Variants in RBFOX1 observed in about 807,000 individuals in gnomAD.
RBFOX1 encodes the protein RNA binding fox-1 homolog 1, also known as RNA binding protein fox-1 homolog 1.
In RBFOX1, 8 loss-of-function variants were observed where a neutral mutation model predicts 57.7. The observed-to-expected ratio is 0.14, with a 90% confidence interval of 0.08 to 0.25. The LOEUF is 0.25. RBFOX1 is among the 10% of genes least tolerant of loss of function. The pLI, the probability that RBFOX1 is intolerant of heterozygous loss-of-function variation, is 1.00. For synonymous variants in RBFOX1, 326 were observed against 222.4 expected, an observed-to-expected ratio of 1.47 and a Z score of -4.15; for missense variants, 611 against 548.5, an observed-to-expected ratio of 1.11 and a Z score of -1.14.
intron 3 of RBFOX1, among the ~76,000 whole-genome samples, chr16:7,014,348 G>A (rs1375986698): frequency 6.6e-6 from 1 of 151,830 alleles, no homozygotes; most frequent in African/African-American, 2.4e-5. Flanking sequence ...TAGTAGCCAG[G>A]ATTACAGTCA....
intron 3 of RBFOX1, among the ~76,000 whole-genome samples, chr16:7,031,201 G>A (rs11645536): frequency 6.6e-6 from 1 of 151,990 alleles, no homozygotes; most frequent in Non-Finnish European, 1.5e-5. Flanking sequence ...AGAAAATAAA[G>A]CTAAGCTTGG....
At chr16:6,974,882 C>T (rs781686067) in intron 3 of RBFOX1, among the ~76,000 whole-genome samples, 1 of 152,072 alleles carries the variant, frequency 6.6e-6, no homozygotes, top group African/African-American at 2.4e-5. Flanking sequence ...TTTCTTTCTG[C>T]AAATAGCTGC....
chr16:6,343,596 A>C (rs2152831249), intron 2 of RBFOX1, among the ~76,000 whole-genome samples: 1 of 152,360 alleles, frequency 6.6e-6, no homozygotes, highest in African/African-American at 2.4e-5. Context: ...AATAATAACC[A>C]AAACAAAACC....
chr16:7,160,129 A>G (rs1159627930), intron 4 of RBFOX1, among the ~76,000 whole-genome samples: 1 of 152,070 alleles, frequency 6.6e-6, no homozygotes, highest in Admixed American at 6.6e-5. Context: ...TCCCTTTCAT[A>G]ATTTTCAATT....
chr16:6,850,656 T>G (rs1296097249), intron 3 of RBFOX1, among the ~76,000 whole-genome samples: 3 of 152,340 alleles, frequency 2.0e-5, no homozygotes, highest in Non-Finnish European at 4.4e-5. Context: ...TATTTCTACC[T>G]TCTTTCATTT....
chr16:6,608,673 G>A (rs2097985817), intron 2 of RBFOX1, among the ~76,000 whole-genome samples: 2 of 152,210 alleles, frequency 1.3e-5, no homozygotes, highest in Admixed American at 6.5e-5. Context: ...TCAGGAGGGT[G>A]AGGTAGAAGG....
chr16:7,337,405 G>T (rs534983252), intron 4 of RBFOX1, among the ~76,000 whole-genome samples: 1 of 152,120 alleles, frequency 6.6e-6, no homozygotes, highest in Non-Finnish European at 1.5e-5. Context: ...ATAATAATAC[G>T]ACTTGTTTAG....
chr16:7,242,541 C>A (rs999047325), intron 4 of RBFOX1, among the ~76,000 whole-genome samples: 3 of 152,204 alleles, frequency 2.0e-5, no homozygotes, highest in Non-Finnish European at 4.4e-5. Flanking sequence ...ATGGAATGGT[C>A]TGGAACACGT....
At chr16:7,181,788 T>G (rs2082764240) in intron 4 of RBFOX1, among the ~76,000 whole-genome samples, 1 of 152,120 alleles carries the variant, frequency 6.6e-6, no homozygotes, top group South Asian at 2.1e-4. Context: ...CTCAGACTCC[T>G]GAGCTCAAGC....
chr16:6,736,814 A>G (rs895328119), intron 3 of RBFOX1, among the ~76,000 whole-genome samples: 6 of 152,180 alleles, frequency 3.9e-5, no homozygotes, highest in East Asian at 1.9e-4. Flanking sequence ...TGCTGTATTC[A>G]TACATCTGAA....
intron 2 of RBFOX1, among the ~76,000 whole-genome samples, chr16:6,651,888 A>T (rs1263047255): frequency 2.6e-5 from 4 of 152,220 alleles, no homozygotes; most frequent in African/African-American, 9.6e-5. Flanking sequence ...TTCATCCTTA[A>T]TAAGAATGAA....
chr16:7,280,015 A>T (rs904074135), intron 4 of RBFOX1, among the ~76,000 whole-genome samples: 17 of 152,170 alleles, frequency 1.1e-4, no homozygotes, highest in Non-Finnish European at 2.9e-5. Flanking sequence ...CCAGCGCCAC[A>T]TCACCTGCTC....
chr16:6,247,083 T>TA lies in RBFOX1; in HGVS notation c.-126-69904dup, dbSNP rs569873856. The stretch of plus-strand genomic sequence containing the variant: ...GGAACTCCATCTCAAACTAACAAAC[T>TA]AAAAAAAATTCTGACCACTGTAGCA... On this transcript the variant is annotated intron_variant, in intron 1 of 15. Transcript: ENST00000550418. Among the ~76,000 whole-genome samples, 951 of 152,094 alleles carry TA rather than the reference T, an allele frequency of 6.3e-3. 12 individuals are homozygous for TA. Among genetic ancestry groups the TA allele is most frequent in the Middle Eastern group, 0.014 (4 of 294 alleles).
intron 1 of RBFOX1, among the ~76,000 whole-genome samples, chr16:5,316,203 C>A (rs571168911): frequency 2.6e-5 from 4 of 152,234 alleles, no homozygotes; most frequent in Non-Finnish European, 4.4e-5. Flanking sequence ...CATCTCTAAT[C>A]GAGCACAACT....
At chr16:6,406,170 C>G (rs1457563346) in intron 2 of RBFOX1, among the ~76,000 whole-genome samples, 1 of 152,242 alleles carries the variant, frequency 6.6e-6, no homozygotes. Context: ...CAATCCTATG[C>G]TTTTCACTGA....
chr16:7,298,796 C>G (rs77711549), intron 4 of RBFOX1, among the ~76,000 whole-genome samples: 3,522 of 152,230 alleles, frequency 0.023, 113 homozygotes, highest in East Asian at 0.12. Context: ...AGAAGTGAAT[C>G]ATCATAAATG....
At chr16:5,390,411 C>A (rs1248705571) in intron 1 of RBFOX1, among the ~76,000 whole-genome samples, 1 of 151,488 alleles carries the variant, frequency 6.6e-6, no homozygotes, top group African/African-American at 2.4e-5. Context: ...GCCTCAGCCT[C>A]CTGAGTAGCT....
chr16:6,669,957 C>T (rs909838707), intron 3 of RBFOX1, among the ~76,000 whole-genome samples: 3 of 152,274 alleles, frequency 2.0e-5, no homozygotes, highest in South Asian at 2.1e-4. Flanking sequence ...TTCAAGTCCA[C>T]CTGTCAAAAT....
At chr16:6,467,341 C>T (rs1042793476) in intron 2 of RBFOX1, among the ~76,000 whole-genome samples, 1 of 152,002 alleles carries the variant, frequency 6.6e-6, no homozygotes, top group Middle Eastern at 3.4e-3. Context: ...AGTGTTGTAA[C>T]AACACCAGGA....
Sources: allele counts gnomAD v4.1 joint callset (sites outside exome capture counted in the v4.1 genomes callset), GRCh38; gene constraint gnomAD v4.1.1; transcripts MANE v1.5; gene names NCBI Gene and HGNC (gene_info 2026-07-23, HGNC 2026-07-21).